Variants in RNF214 observed in about 807,000 individuals in gnomAD.
RNF214 encodes ring finger protein 214.
A neutral mutation model predicts 75.9 loss-of-function variants in RNF214; 25 were observed. The ratio of observed to expected loss-of-function variants is 0.33; its 90% confidence interval spans 0.24 to 0.46. The LOEUF is 0.46. Ranked by LOEUF, RNF214 falls within the 20% of genes least tolerant of loss-of-function variation. The pLI is 1.00. For missense variants in RNF214, 725 were observed against 857.5 expected, an observed-to-expected ratio of 0.85 and a Z score of 1.93; for synonymous variants, 314 against 308.8, an observed-to-expected ratio of 1.02 and a Z score of -0.18.
intron 6 of RNF214, among the ~76,000 whole-genome samples, chr11:117,264,905 A>G (rs2033761579): frequency 6.6e-6 from 1 of 151,970 alleles, no homozygotes; most frequent in African/African-American, 2.4e-5. Context: ...CTCTACTAAA[A>G]ATAAAAAAAA....
At chr11:117,274,476 C>T (rs2033973293) in intron 6 of RNF214, among the ~76,000 whole-genome samples, 1 of 146,774 alleles carries the variant, frequency 6.8e-6, no homozygotes, top group South Asian at 2.2e-4. Context: ...AGTTCTCCTG[C>T]CTCAGCCTCC....
intron 5 of RNF214, among the ~76,000 whole-genome samples, chr11:117,244,848 G>T (rs542219019): frequency 1.6e-4 from 24 of 151,528 alleles, no homozygotes; most frequent in African/African-American, 5.3e-4. Flanking sequence ...TGTATTTTTG[G>T]TAGAGACGGG....
At chr11:117,239,509 A>G in intron 3 of RNF214, 1 of 469,830 alleles carries the variant, frequency 2.1e-6, no homozygotes, top group Admixed American at 3.8e-5. Flanking sequence ...GCTTTGTTGT[A>G]GGAGAAAGTA....
intron 2 of RNF214, 76 bp from the exon 3 acceptor site, chr11:117,238,525 G>A (rs771778923): frequency 1.3e-5 from 17 of 1,285,756 alleles, no homozygotes; most frequent in Middle Eastern, 1.9e-4. Flanking sequence ...GAGGGTTTAC[G>A]TAGTCTAGTT....
intron 6 of RNF214, among the ~76,000 whole-genome samples, chr11:117,251,893 G>A (rs1447900417): frequency 6.6e-6 from 1 of 152,184 alleles, no homozygotes; most frequent in African/African-American, 2.4e-5. Flanking sequence ...TTTTGAGACA[G>A]AGTCTCACTC....
intron 14 of RNF214, among the ~76,000 whole-genome samples, chr11:117,283,653 C>T (rs1324863329): frequency 3.3e-5 from 5 of 151,888 alleles, no homozygotes; most frequent in African/African-American, 1.2e-4. Context: ...GCCACCGTGC[C>T]CAGCCTTTTT....
chr11:117,244,829 C>T (rs2033173018), intron 5 of RNF214, among the ~76,000 whole-genome samples: 1 of 151,700 alleles, frequency 6.6e-6, no homozygotes. Flanking sequence ...CTATGCCTGG[C>T]TCATTTTTTG....
At chr11:117,243,613 C>T (rs1453979949) in intron 4 of RNF214, among the ~76,000 whole-genome samples, 1 of 152,178 alleles carries the variant, frequency 6.6e-6, no homozygotes, top group East Asian at 1.9e-4. Context: ...AGTTGACCCT[C>T]TTCAAATTTT....
Position 117,247,016 on chromosome 11 carries a change from A to G in RNF214, c.959+68A>G, listed in dbSNP as rs529850343. On this transcript the variant is annotated intron_variant, in intron 6 of 14. Coordinates refer to ENST00000300650, the MANE Select transcript of RNF214 (RefSeq NM_207343.4). ...TGCATGAGGGGCCAGACCCGTTTGT[A>G]TTTGTAGTTTCTTTCCCTTCGGTTT... The G allele has an allele frequency of 2.4e-6, 3 of 1,237,598 alleles. No homozygotes were observed. In the South Asian group the frequency reaches 7.5e-5, roughly 31 times the overall value. 76.7% of individuals were successfully genotyped at this position (1,237,598 alleles called of 1,614,324 possible).
chr11:117,262,707 T>TTGTGTG (rs57686552), intron 6 of RNF214, among the ~76,000 whole-genome samples: 71,558 of 147,584 alleles, frequency 0.48, 17,750 homozygotes, highest in East Asian at 0.72. Flanking sequence ...TTGAGGAACG[T>TTGTGTG]TGTGTGTGTG....
rs538296983 is a variant in RNF214, at chr11:117,237,962, G to A, written c.108-639G>A. On this transcript the variant is annotated intron_variant, in intron 2 of 14. Coordinates refer to ENST00000300650, the MANE Select transcript of RNF214 (RefSeq NM_207343.4). ...AAACAATACTTCTAAGTTAATATTT[G>A]ATTATAATATTATGTATAACTAAAT... Among the ~76,000 whole-genome samples, 26 of 152,248 alleles carry A rather than the reference G, an allele frequency of 1.7e-4. 2 individuals carry two copies. Among genetic ancestry groups the A allele is most frequent in the African/African-American group, 6.3e-4 (26 of 41,536 alleles).
intron 9 of RNF214, 49 bp from the exon 10 acceptor site, chr11:117,281,549 CTA>C (rs2034127406): frequency 6.8e-7 from 1 of 1,474,036 alleles, no homozygotes; most frequent in Admixed American, 1.7e-5. Flanking sequence ...TGCTGTCTTT[CTA>C]GAGAGCCTGA....
At chr11:117,244,892 C>G (rs1403615299) in intron 5 of RNF214, among the ~76,000 whole-genome samples, 1 of 151,750 alleles carries the variant, frequency 6.6e-6, no homozygotes, top group African/African-American at 2.4e-5. Context: ...GTCTTGAACT[C>G]CAGACTCAAG....
chr11:117,242,963 G>A (rs553512295), intron 4 of RNF214, among the ~76,000 whole-genome samples: 2 of 152,268 alleles, frequency 1.3e-5, no homozygotes, highest in South Asian at 4.1e-4. Context: ...TTCATCAGTT[G>A]CAGAGAGTTC....
intron 3 of RNF214, 49 bp downstream of exon 3, chr11:117,239,160 G>T (rs753614812): frequency 2.3e-5 from 33 of 1,440,784 alleles, no homozygotes; most frequent in Admixed American, 6.2e-5. Context: ...GGGTGGTGGG[G>T]TTCAGGGTGG....
At chr11:117,250,402 A>G (rs1381598506) in intron 6 of RNF214, among the ~76,000 whole-genome samples, 2 of 152,192 alleles carry the variant, frequency 1.3e-5, no homozygotes, top group Non-Finnish European at 2.9e-5. Context: ...TGTTGTTGAA[A>G]AAAGTTTAAG....
chr11:117,284,944 G>T, intron 14 of RNF214, 142 bp from the exon 15 acceptor site: 1 of 615,700 alleles, frequency 1.6e-6, no homozygotes, highest in South Asian at 2.0e-5. Context: ...AAAGAAAAAA[G>T]AACAGCAACA....
intron 10 of RNF214, 71 bp downstream of exon 10, chr11:117,281,769 C>A (rs2034132352): frequency 6.6e-7 from 1 of 1,513,546 alleles, no homozygotes; most frequent in Admixed American, 1.7e-5. Flanking sequence ...TCTGCGTGTT[C>A]TTTTTATGAA....
chr11:117,249,846 C>T (rs997357214), intron 6 of RNF214, among the ~76,000 whole-genome samples: 3 of 152,150 alleles, frequency 2.0e-5, no homozygotes, highest in African/African-American at 7.2e-5. Context: ...TTCATTTAAC[C>T]ATAATTGCCT....
Sources: gnomAD v4.1 joint callset for allele counts (sites outside exome capture counted in the v4.1 genomes callset) on GRCh38, gnomAD v4.1.1 for gene constraint, MANE v1.5 for transcripts, NCBI Gene and HGNC (gene_info 2026-07-23, HGNC 2026-07-21) for gene names.